MYO1G: variants seen among roughly 807,000 people sequenced by gnomAD.
MYO1G encodes the protein unconventional myosin-Ig.
In MYO1G, 65 loss-of-function variants were observed where a neutral mutation model predicts 115.3. The ratio of observed to expected loss-of-function variants is 0.56; its 90% CI spans 0.46 to 0.69. The LOEUF is 0.69. MYO1G is among the 30% of genes least tolerant of loss of function. The pLI, the probability that MYO1G is intolerant of heterozygous loss-of-function variation, is 0.00. For missense variants in MYO1G, 1,204 were observed against 1,393.5 expected, an observed-to-expected ratio of 0.86 and a Z score of 2.16; for synonymous variants, 510 against 552.6, an observed-to-expected ratio of 0.92 and a Z score of 1.08.
Position 44,969,764 on chromosome 7 carries a change from T to C in MYO1G, c.1444A>G (p.Ile482Val), listed in dbSNP as rs1369432853. ...TGCATGTCCAGGGTCTGCAGGAAGA[T>C]TCGGTCAGTGATGGTGCCAGCAGAG... Reference protein sequence around the residue: ...CSSAGTITDRIFLQTLDMHHR... With the variant: ...CSSAGTITDRVFLQTLDMHHR... The change falls in exon 11 of 22, where the codon ATC becomes GTC. Residue 482 changes from isoleucine to valine, a missense_variant. Ile to Val is a conservative substitution (Grantham distance 29, BLOSUM62 3). Coordinates refer to ENST00000258787, the MANE Select transcript of MYO1G (RefSeq NM_033054.3). The surrounding 1 kb of genome is among the most constrained non-coding windows in gnomAD (Gnocchi z 5.0). 2.5e-6 allele frequency: 4 copies of C among 1,612,598 alleles called. No individual in the cohort carries two copies. Among genetic ancestry groups the C allele is most frequent in the Admixed American group, 1.7e-5 (1 of 60,006 alleles).
Position 44,962,694 on chromosome 7 carries a change from C to T in MYO1G, c.*45G>A, listed in dbSNP as rs770919316. 3 of 1,447,956 alleles carry T rather than the reference C, an allele frequency of 2.1e-6. No homozygotes were observed. Among genetic ancestry groups the T allele is most frequent in the Admixed American group, 2.6e-5 (1 of 38,258 alleles). 89.7% of individuals were successfully genotyped at this position (1,447,956 alleles called of 1,614,324 possible). ...TCAGAAGGTTTATTTGCAGCGCTGG[C>T]GGGGCGGACAATTGGCGGCCTCGGG... On this transcript the variant is annotated 3_prime_UTR_variant, in exon 22 of 22. Transcript: ENST00000258787. This position sits in a 1 kb window ranked among gnomAD's most constrained non-coding sequence, Gnocchi z 5.3.
chr7:44,975,523 G>T lies in MYO1G; in HGVS notation c.525C>A (p.Asp175Glu). 6.2e-7 allele frequency: 1 copy of T among 1,613,814 alleles called. No individual in the cohort carries two copies. The stretch of plus-strand genomic sequence containing the variant: ...AGCTGTGGATGTGTCCTCCGATCGG[G>T]TCCCCCTTGAAGTCAAAGTTGATGT... ...YMDINFDFKG[D>E]PIGGHIHSYL... is the part of the protein sequence containing the mutation. Residue 175 changes from aspartate to glutamate, a missense_variant, in exon 4 of 22, where the codon GAC (aspartate) becomes GAA (glutamate). Coordinates refer to ENST00000258787, the MANE Select transcript of MYO1G (RefSeq NM_033054.3).
rs759400622 is a variant in MYO1G, at chr7:44,969,690, G to A, written c.1503+15C>T. ...CACCAGCCCACTGTGGTGGCACTGG[G>A]ACAGCCGGGGGCACCTGGCGGCTGG... On this transcript the variant is annotated intron_variant, in intron 11 of 21. Transcript: ENST00000258787. This position sits in a 1 kb window ranked among gnomAD's most constrained non-coding sequence, Gnocchi z 5.0. 4.3e-6 allele frequency: 7 copies of A among 1,610,118 alleles called. No individual in the cohort carries two copies. In the South Asian group the frequency reaches 5.5e-5, roughly 13 times the overall value.
intron 16 of MYO1G, 55 bp from the exon 17 acceptor site, chr7:44,965,915 C>G: frequency 6.4e-7 from 1 of 1,573,028 alleles, no homozygotes; most frequent in Non-Finnish European, 8.6e-7. Flanking sequence ...GGCCCTAACC[C>G]TTAGACCCAA....
intron 6 of MYO1G, 144 bp from the exon 7 acceptor site, chr7:44,971,933 C>A: frequency 1.3e-6 from 1 of 745,284 alleles, no homozygotes; most frequent in Non-Finnish European, 2.3e-6. Context: ...AGCCTAAGCA[C>A]CTGCTCACCC....
intron 2 of MYO1G, 27 bp downstream of exon 2, chr7:44,976,836 T>C: frequency 6.2e-7 from 1 of 1,609,670 alleles, no homozygotes; most frequent in South Asian, 1.1e-5. Context: ...ATGCCGAGGG[T>C]GGGGGCCCGG....
chr7:44,969,980 C>T lies in MYO1G; in HGVS notation c.1332+60G>A, dbSNP rs901586465. ...TGTCAGGCCAGCCCGGGCCCCTCCC[C>T]ATGGGCTGAGGCCCCTCCACACCCC... is the stretch of plus-strand genomic sequence containing the variant. On this transcript the variant is annotated intron_variant, in intron 10 of 21. Transcript: ENST00000258787. The surrounding 1 kb of genome is among the most constrained non-coding windows in gnomAD (Gnocchi z 5.0). 4.9e-4 allele frequency: 783 copies of T among 1,597,882 alleles called. No individual in the cohort carries two copies. The highest frequency in any genetic ancestry group is 1.4e-3 in the African/African-American group (108 of 74,696).
At chr7:44,976,407 T>C (rs73694240) in intron 3 of MYO1G, among the ~76,000 whole-genome samples, 157 bp downstream of exon 3, 2,053 of 152,184 alleles carry the variant, frequency 0.013, 41 homozygotes, top group African/African-American at 0.047. Context: ...CACCTCCGGG[T>C]GTGTTGGCAT....
Position 44,963,827 on chromosome 7 carries a change from G to C in MYO1G, c.2745+222C>G, listed in dbSNP as rs1794791361. 2 of 547,288 alleles carry C rather than the reference G, an allele frequency of 3.7e-6. No individual in the cohort carries two copies. Among genetic ancestry groups the C allele is most frequent in the South Asian group, 2.2e-5 (1 of 45,564 alleles). The allele number at this position is 547,288 out of a possible 1,614,324, so 33.9% of individuals were successfully genotyped here. On this transcript the variant is annotated intron_variant, in intron 20 of 21. Coordinates refer to ENST00000258787, the MANE Select transcript of MYO1G (RefSeq NM_033054.3). The surrounding 1 kb of genome is among the most constrained non-coding windows in gnomAD (Gnocchi z 4.1). Reference sequence around the variant, plus strand: ...TTGGCTAGAGTGTGAGAGTGGGGGTGGGGGGTGACTGGGCTGGTGGGGATC... The same window carrying C: ...TTGGCTAGAGTGTGAGAGTGGGGGTCGGGGGTGACTGGGCTGGTGGGGATC...
chr7:44,972,795 G>T (rs1794983164), intron 5 of MYO1G: 1 of 153,560 alleles, frequency 6.5e-6, no homozygotes, highest in Non-Finnish European at 1.4e-5. Context: ...AGACACAACT[G>T]GTGCCACATG....
chr7:44,971,552 G>T, intron 7 of MYO1G, 121 bp downstream of exon 7: 1 of 690,092 alleles, frequency 1.4e-6, no homozygotes, highest in Non-Finnish European at 2.5e-6. Context: ...TGCAGGAGAG[G>T]CAGTCAGCCT....
Position 44,965,793 on chromosome 7 carries a change from C to G in MYO1G, c.2225G>C (p.Trp742Ser). ...RLRAIYTIMR[W>S]FRRHKVRAHL... ...AGCCCGCACCTTGTGTCTCCGGAACCAGCGCATGATGGTGTAGATAGCCCT... is the reference window on the plus strand; with the variant it reads ...AGCCCGCACCTTGTGTCTCCGGAACGAGCGCATGATGGTGTAGATAGCCCT... Residue 742 changes from tryptophan (W) to serine (S), a missense_variant, in exon 17 of 22, where the codon TGG becomes TCG. By Grantham distance (177) the Trp-to-Ser change is radical (BLOSUM62 -3). Coordinates refer to ENST00000258787, the MANE Select transcript of MYO1G (RefSeq NM_033054.3). 6.2e-7 allele frequency: 1 copy of G among 1,604,968 alleles called. No individual in the cohort carries two copies. Among genetic ancestry groups the G allele is most frequent in the Non-Finnish European group, 8.5e-7 (1 of 1,179,976 alleles).
At chr7:44,968,468 C>T (rs1278909996) in intron 12 of MYO1G, 1 of 153,806 alleles carries the variant, frequency 6.5e-6, no homozygotes, top group Non-Finnish European at 1.4e-5. Flanking sequence ...CAAATCTTGG[C>T]TCCAACTGCA....
In MYO1G at chr7:44,962,808, C is replaced by T; in HGVS notation, c.2988G>A (p.Arg996=). ...GGAAATCGGGCTCTGGCTGCTCCGGCCTGGGCTCCACGGAGATGAGGCGCC... is the reference window on the plus strand; with the variant it reads ...GGAAATCGGGCTCTGGCTGCTCCGGTCTGGGCTCCACGGAGATGAGGCGCC... ...GVRRLISVEP[R]PEQPEPDFRC... Residue 996 remains arginine (R), a synonymous_variant, in exon 22 of 22, where the codon AGG becomes AGA. Coordinates refer to ENST00000258787, the MANE Select transcript of MYO1G (RefSeq NM_033054.3). This position sits in a 1 kb window ranked among gnomAD's most constrained non-coding sequence, Gnocchi z 5.3. 11 of 1,520,206 alleles carry T rather than the reference C, an allele frequency of 7.2e-6. No individual in the cohort carries two copies. Among genetic ancestry groups the T allele is most frequent in the Non-Finnish European group, 9.6e-6 (11 of 1,139,954 alleles). 94.2% of individuals were successfully genotyped at this position (1,520,206 alleles called of 1,614,324 possible).
chr7:44,963,208 T>C lies in MYO1G; in HGVS notation c.2746-84A>G. ...ACTCACCCCCTCCCCAGGAAGCCTC[T>C]GCCGAACCCCCAACCGCACCCGGGG... On this transcript the variant is annotated intron_variant, in intron 20 of 21. Coordinates refer to ENST00000258787, the MANE Select transcript of MYO1G (RefSeq NM_033054.3). This position sits in a 1 kb window ranked among gnomAD's most constrained non-coding sequence, Gnocchi z 4.1. The C allele has an allele frequency of 7.3e-7, 1 of 1,368,810 alleles. No homozygotes were observed. The highest frequency in any genetic ancestry group is 3.1e-5 in the East Asian group (1 of 32,336). The allele number at this position is 1,368,810 out of a possible 1,614,324, so 84.8% of individuals were successfully genotyped here.
Position 44,964,834 on chromosome 7 carries a change from A to T in MYO1G, c.2526+111T>A. The T allele has an allele frequency of 6.8e-7, 1 of 1,462,614 alleles. No homozygotes were observed. The highest frequency in any genetic ancestry group is 9.2e-7 in the Non-Finnish European group (1 of 1,083,988). The allele number at this position is 1,462,614 out of a possible 1,614,324, so 90.6% of individuals were successfully genotyped here. On this transcript the variant is annotated intron_variant, in intron 18 of 21. Coordinates refer to ENST00000258787, the MANE Select transcript of MYO1G (RefSeq NM_033054.3). The surrounding 1 kb of genome is among the most constrained non-coding windows in gnomAD (Gnocchi z 5.1). The stretch of plus-strand genomic sequence containing the variant: ...GAGGTACAGGGCCACCAGGACAGAC[A>T]ACCCCAGGCCTGGGAGAGGACATCT...
At chr7:44,976,758 AG>A in intron 2 of MYO1G, 101 bp from the exon 3 acceptor site, 2 of 1,558,306 alleles carry the variant, frequency 1.3e-6, no homozygotes, top group Non-Finnish European at 1.8e-6. Flanking sequence ...ATGGGGTCCT[AG>A]GGCCCCCATC....
Position 44,970,710 on chromosome 7 carries a change from C to G in MYO1G, c.1099G>C (p.Val367Leu). Residue 367 changes from valine (V) to leucine (L), a missense_variant, in exon 9 of 22, where the codon GTG (valine) becomes CTG (leucine). Val to Leu is a conservative substitution (Grantham distance 32). Coordinates refer to ENST00000258787, the MANE Select transcript of MYO1G (RefSeq NM_033054.3). ...ATGACACTGTTGATCCTGTTCACCA[C>G]CCACTCAAACAGCCGCTGGTACACT... ...KAVYQRLFEWVVNRINSVMEP... is the reference protein window; with the variant it reads ...KAVYQRLFEWLVNRINSVMEP... 1 of 1,614,008 alleles carries G rather than the reference C, an allele frequency of 6.2e-7. No individual in the cohort carries two copies.
chr7:44,965,202 T>A, intron 17 of MYO1G, 113 bp from the exon 18 acceptor site: 1 of 1,443,026 alleles, frequency 6.9e-7, no homozygotes. Context: ...GCCTTTCATG[T>A]CCCAACCTCT....
Sources: gnomAD v4.1 joint callset for allele counts (sites outside exome capture counted in the v4.1 genomes callset) on GRCh38, gnomAD v4.1.1 for gene constraint, Gnocchi (gnomAD v3.1) non-coding constraint, MANE v1.5 for transcripts, NCBI Gene and HGNC (gene_info 2026-07-23, HGNC 2026-07-21) for gene names.